The following SHANK1 variants were observed in gnomAD, a reference collection of about 807,000 sequenced individuals.
SHANK1 encodes the protein SH3 and multiple ankyrin repeat domains protein 1.
In SHANK1, 35 loss-of-function variants were observed where a neutral mutation model predicts 165.6. That is an observed-to-expected ratio of 0.21 (90% CI 0.16 to 0.28). The LOEUF (loss-of-function observed/expected upper bound fraction) is 0.28, where lower values mean the gene tolerates loss of function less well. Ranked by LOEUF, SHANK1 falls within the 10% of genes least tolerant of loss-of-function variation. The pLI is 1.00. For synonymous variants in SHANK1, 1,428 were observed against 1,384.8 expected, an observed-to-expected ratio of 1.03 and a Z score of -0.69; for missense variants, 2,681 against 3,036.4, an observed-to-expected ratio of 0.88 and a Z score of 2.75.
At chr19:50,676,332 G>C (rs1307049624) in intron 21 of SHANK1, among the ~76,000 whole-genome samples, 1 of 152,132 alleles carries the variant, frequency 6.6e-6, no homozygotes, top group Admixed American at 6.5e-5. Flanking sequence ...GGTCAAGGAA[G>C]GCCTCACTGA....
intron 8 of SHANK1, among the ~76,000 whole-genome samples, chr19:50,707,028 T>C (rs1412714706): frequency 6.6e-6 from 1 of 152,228 alleles, no homozygotes; most frequent in Non-Finnish European, 1.5e-5. Context: ...TCCGCCTGCC[T>C]TGGCTTCCCA....
rs964761464 is a variant in SHANK1, at chr19:50,716,980, G to A, written c.-43-18C>T. On this transcript the variant is annotated intron_variant, in intron 1 of 23. Coordinates refer to ENST00000293441, the MANE Select transcript of SHANK1 (RefSeq NM_016148.5). The surrounding 1 kb of genome is among the most constrained non-coding windows in gnomAD (Gnocchi z 8.4). ...ACAGGCGGCTGCAGGGGCCAAGGGC[G>A]GCCATCAGACTAGGAGCCCGGGACC... 9.3e-6 allele frequency: 13 copies of A among 1,397,902 alleles called. No homozygotes were observed. The highest frequency in any genetic ancestry group is 5.8e-5 in the African/African-American group (4 of 68,492). The allele number at this position is 1,397,902 out of a possible 1,614,324, so 86.6% of individuals were successfully genotyped here.
At position 50,717,016 on chromosome 19, in the gene SHANK1, C is replaced by T. The variant is rs571653785; in HGVS notation, c.-43-54G>A. 8.2e-6 allele frequency: 11 copies of T among 1,335,094 alleles called. No homozygotes were observed. Among genetic ancestry groups the T allele is most frequent in the South Asian group, 3.9e-5 (2 of 51,186 alleles). 82.7% of individuals were successfully genotyped at this position (1,335,094 alleles called of 1,614,324 possible). Reference sequence around the variant, plus strand: ...TAGGAGCCCGGGACCCCTCAGAGGCCGCAGGCGCTATTCGGTGGTCAAGCG... The same window carrying T: ...TAGGAGCCCGGGACCCCTCAGAGGCTGCAGGCGCTATTCGGTGGTCAAGCG... On this transcript the variant is annotated intron_variant, in intron 1 of 23. Transcript: ENST00000293441. The surrounding 1 kb of genome is among the most constrained non-coding windows in gnomAD (Gnocchi z 5.5).
chr19:50,671,819 A>G (rs1255480478), intron 22 of SHANK1, among the ~76,000 whole-genome samples, 199 bp downstream of exon 22: 8 of 152,170 alleles, frequency 5.3e-5, no homozygotes, highest in Non-Finnish European at 8.8e-5. Flanking sequence ...CACCTGCCCC[A>G]GTTCACACAG....
At chr19:50,689,139 A>G in intron 16 of SHANK1, 58 bp downstream of exon 16, 2 of 1,408,306 alleles carry the variant, frequency 1.4e-6, no homozygotes, top group Non-Finnish European at 2.0e-6. Flanking sequence ...CCCCATTTTC[A>G]GCCCTGCTTC....
chr19:50,716,907 G>T lies in SHANK1; in HGVS notation c.13C>A (p.Pro5Thr), dbSNP rs1405250162. MTHSPATSEDEERHS... is the reference protein window; with the variant it reads MTHSTATSEDEERHS... ...CGTTCCTCGTCCTCGCTTGTCGCGG[G>T]GCTGTGGGTCATTGTGGGGCCACGG... The change falls in exon 2 of 24, where the codon CCC becomes ACC. Residue 5 changes from proline to threonine, a missense_variant. Transcript: ENST00000293441. This position sits in a 1 kb window ranked among gnomAD's most constrained non-coding sequence, Gnocchi z 8.4. 8 of 1,445,064 alleles carry T rather than the reference G, an allele frequency of 5.5e-6. No individual in the cohort carries two copies. The East Asian group carries it at 2.0e-4, about 37-fold the overall frequency. 89.5% of individuals were successfully genotyped at this position (1,445,064 alleles called of 1,614,324 possible).
At position 50,667,519 on chromosome 19, in the gene SHANK1, C is replaced by A; in HGVS notation, c.4441G>T (p.Ala1481Ser). Residue 1481 changes from alanine (A) to serine (S), a missense_variant, in exon 23 of 24, where the codon GCC becomes TCC. Physicochemically the swap from Ala to Ser is moderately conservative, Grantham distance 99. Transcript: ENST00000293441. The surrounding 1 kb of genome is among the most constrained non-coding windows in gnomAD (Gnocchi z 5.7). ...GGCAGCCGCTCGGGTTCTTCGGGGGCTGCGGACCTCCAGGGCTTGCTTACT... is the reference window on the plus strand; with the variant it reads ...GGCAGCCGCTCGGGTTCTTCGGGGGATGCGGACCTCCAGGGCTTGCTTACT... ...PGVSKPWRSA[A>S]PEEPERLPLH... 1 of 1,516,384 alleles carries A rather than the reference C, an allele frequency of 6.6e-7. No individual in the cohort carries two copies. The highest frequency in any genetic ancestry group is 2.4e-5 in the East Asian group (1 of 42,222). The allele number at this position is 1,516,384 out of a possible 1,614,324, so 93.9% of individuals were successfully genotyped here.
At chr19:50,678,028 A>C (rs974074581) in intron 21 of SHANK1, among the ~76,000 whole-genome samples, 3 of 152,168 alleles carry the variant, frequency 2.0e-5, no homozygotes, top group Non-Finnish European at 4.4e-5. Context: ...GTGGAAGGAG[A>C]CACTCTTGTG....
chr19:50,688,736 C>T lies in SHANK1; in HGVS notation c.2172+108G>A, dbSNP rs1205109771. The T allele has an allele frequency of 1.7e-6, 2 of 1,184,790 alleles. No individual in the cohort carries two copies. Among genetic ancestry groups the T allele is most frequent in the Non-Finnish European group, 2.4e-6 (2 of 846,712 alleles). The allele number at this position is 1,184,790 out of a possible 1,614,324, so 73.4% of individuals were successfully genotyped here. On this transcript the variant is annotated intron_variant, in intron 17 of 23. Coordinates refer to ENST00000293441, the MANE Select transcript of SHANK1 (RefSeq NM_016148.5). The surrounding 1 kb of genome is among the most constrained non-coding windows in gnomAD (Gnocchi z 6.7). ...GGGGGTGGGCAGGGGGCTGGGAATC[C>T]TGGTGCCAAAGGAGAATAAAACTGG... is the stretch of plus-strand genomic sequence containing the variant.
At chr19:50,708,499 C>T (rs940584423) in intron 8 of SHANK1, among the ~76,000 whole-genome samples, 13 of 151,824 alleles carry the variant, frequency 8.6e-5, no homozygotes, top group Admixed American at 3.9e-4. Flanking sequence ...CCCCCAACCC[C>T]GCCCTCGCCC....
rs1300567199 is a variant in SHANK1, at chr19:50,660,939, C to T, written c.*1026G>A. Among the ~76,000 whole-genome samples the T allele has an allele frequency of 9.1e-4, 13 of 14,298 alleles. No homozygotes were observed. The highest frequency in any genetic ancestry group is 2.2e-3 in the South Asian group (1 of 462). 9.4% of individuals were successfully genotyped at this position (14,298 alleles called of 152,430 possible). A position where few individuals can be genotyped will look rare whatever the true frequency, so the allele number is the denominator to read the frequency against. ...GGTGCAAAAGGGGCAAGAGGGAAGG[C>T]GGGGGGTGGGGGGCTAGGAGTGTCA... is the stretch of plus-strand genomic sequence containing the variant. On this transcript the variant is annotated 3_prime_UTR_variant, in exon 24 of 24. Transcript: ENST00000293441.
Position 50,686,885 on chromosome 19 carries a change from G to A in SHANK1, c.2390-73C>T. On this transcript the variant is annotated intron_variant, in intron 19 of 23. Transcript: ENST00000293441. This position sits in a 1 kb window ranked among gnomAD's most constrained non-coding sequence, Gnocchi z 5.7. ...GGCGGAGCGGGCTCGGCCTGTGGGC[G>A]TGGCCAGCAGGTGCGGGCCAGTGGG... 2 of 1,566,650 alleles carry A rather than the reference G, an allele frequency of 1.3e-6. No homozygotes were observed. The highest frequency in any genetic ancestry group is 1.7e-6 in the Non-Finnish European group (2 of 1,147,130).
At chr19:50,683,541 G>A (rs796346722) in intron 21 of SHANK1, among the ~76,000 whole-genome samples, 20 of 152,070 alleles carry the variant, frequency 1.3e-4, no homozygotes, top group African/African-American at 4.1e-4. Flanking sequence ...GGCACATCAC[G>A]GCCTTCTCGC....
chr19:50,696,614 C>T (rs921910294), intron 15 of SHANK1, among the ~76,000 whole-genome samples: 5 of 152,070 alleles, frequency 3.3e-5, no homozygotes, highest in Admixed American at 2.0e-4. Context: ...CCCTGGAATC[C>T]TCCCCTCCTC....
rs1252242074 is a variant in SHANK1 at position 50,716,716 on chromosome 19, G to C, written c.204C>G (p.Ala68=). The C allele has an allele frequency of 2.5e-6, 4 of 1,602,694 alleles. No homozygotes were observed. The highest frequency in any genetic ancestry group is 3.4e-6 in the Non-Finnish European group (4 of 1,174,794). The change falls in exon 2 of 24, where the codon GCC becomes GCG. Residue 68 remains alanine (A), a synonymous_variant. Coordinates refer to ENST00000293441, the MANE Select transcript of SHANK1 (RefSeq NM_016148.5). This position sits in a 1 kb window ranked among gnomAD's most constrained non-coding sequence, Gnocchi z 8.4. The part of the protein sequence containing the change: ...QGRSMSVPDD[A]HFSMMVFRIG... ...TCCTGAAGACCATCATGCTGAAGTG[G>C]GCGTCGTCTGGGACGGACATTGAGC...
In SHANK1 at chr19:50,669,114, G is replaced by T. The variant is rs530554357; in HGVS notation, c.2846C>A (p.Pro949His). The T allele has an allele frequency of 1.3e-6, 2 of 1,503,860 alleles. No individual in the cohort carries two copies. Among genetic ancestry groups the T allele is most frequent in the Non-Finnish European group, 1.8e-6 (2 of 1,123,894 alleles). 93.2% of individuals were successfully genotyped at this position (1,503,860 alleles called of 1,614,324 possible). Reference protein sequence around the residue: ...PSSSGRLTPSPRGGPFNPGSG... With the variant: ...PSSSGRLTPSHRGGPFNPGSG... Reference sequence around the variant, plus strand: ...GCCAGGGTTGAAGGGCCCTCCCCGAGGGGAGGGGGTGAGGCGCCCTGAGGA... The same window carrying T: ...GCCAGGGTTGAAGGGCCCTCCCCGATGGGAGGGGGTGAGGCGCCCTGAGGA... Residue 949 changes from proline (P) to histidine (H), a missense_variant, in exon 23 of 24, where the codon CCT becomes CAT. Around this residue, in one of 10 missense-constraint regions of SHANK1, gnomAD observed 1,713 missense variants for 1,630.2 expected, o/e 1.05. Coordinates refer to ENST00000293441, the MANE Select transcript of SHANK1 (RefSeq NM_016148.5).
In SHANK1 at chr19:50,662,090, C is replaced by T. The variant is rs777036328; in HGVS notation, c.6361G>A (p.Asp2121Asn). 1.9e-5 allele frequency: 31 copies of T among 1,614,068 alleles called. No homozygotes were observed. The highest frequency in any genetic ancestry group is 2.4e-5 in the Non-Finnish European group (28 of 1,180,034). The stretch of plus-strand genomic sequence containing the variant: ...AGGTGGGAGCCATCGATCTCGTGGT[C>T]CAGGAACTGGGCTCGGTGCTCCGCC... Reference protein sequence around the residue: ...GLAEHRAQFLDHEIDGSHLPA... With the variant: ...GLAEHRAQFLNHEIDGSHLPA... The change falls in exon 24 of 24, where the codon GAC (aspartate) becomes AAC (asparagine). Residue 2121 changes from aspartate (D) to asparagine (N), a missense_variant. By Grantham distance (23) the Asp-to-Asn change is conservative. Around this residue, in one of 10 missense-constraint regions of SHANK1, gnomAD observed 49 missense variants for 94.2 expected, o/e 0.52. Transcript: ENST00000293441. The surrounding 1 kb of genome is among the most constrained non-coding windows in gnomAD (Gnocchi z 7.7).
Position 50,697,941 on chromosome 19 carries a change from T to C in SHANK1, c.1763A>G (p.Glu588Gly). The change falls in exon 13 of 24, where the codon GAA (glutamate) becomes GGA (glycine). Residue 588 changes from glutamate (E) to glycine (G), a missense_variant. Transcript: ENST00000293441. The surrounding 1 kb of genome is among the most constrained non-coding windows in gnomAD (Gnocchi z 4.7). The stretch of plus-strand genomic sequence containing the variant: ...GACCTGGCCTTCCCAGAAGCCTCCT[T>C]CCCCGATGCTAAGTACTGGATGGGG... ...GEKIKVLSIG[E>G]GGFWEGQVKG... The C allele has an allele frequency of 6.2e-7, 1 of 1,613,424 alleles. No individual in the cohort carries two copies. Among genetic ancestry groups the C allele is most frequent in the Non-Finnish European group, 8.5e-7 (1 of 1,179,530 alleles).
Position 50,662,253 on chromosome 19 carries a change from C to T in SHANK1, c.6198G>A (p.Gly2066=). Residue 2066 remains glycine, a synonymous_variant, in exon 24 of 24, where the codon GGG becomes GGA. Transcript: ENST00000293441. The surrounding 1 kb of genome is among the most constrained non-coding windows in gnomAD (Gnocchi z 7.7). ...AGCGCGAGGCCCCTGACAAGGCTCC[C>T]CCGAGCCCCCCGGATATCCCCGGGT... ...PPHPGISGGL[G]GALSGASRSL... 1.2e-6 allele frequency: 2 copies of T among 1,610,814 alleles called. No homozygotes were observed. The highest frequency in any genetic ancestry group is 1.1e-5 in the South Asian group (1 of 90,818).
Sources: allele counts gnomAD v4.1 joint callset (sites outside exome capture counted in the v4.1 genomes callset), GRCh38; gene constraint gnomAD v4.1.1; regional missense constraint gnomAD v4.1.1; non-coding constraint Gnocchi (gnomAD v3.1); transcripts MANE v1.5; gene names NCBI Gene and HGNC (gene_info 2026-07-23, HGNC 2026-07-21).